Variants in FAM81A observed in about 807,000 individuals in gnomAD.
The protein encoded by FAM81A is protein FAM81A.
In FAM81A, 19 loss-of-function variants were observed where a neutral mutation model predicts 46.7. That is an observed-to-expected ratio of 0.41 (90% CI 0.28 to 0.60). The LOEUF is 0.60. Ranked by LOEUF, FAM81A falls within the 20% of genes least tolerant of loss-of-function variation. The pLI is 0.34. For synonymous variants in FAM81A, 183 were observed against 152.9 expected (o/e 1.20, Z -1.45); for missense variants, 377 against 453.5 (o/e 0.83, Z 1.53).
At chr15:59,486,646 C>T (rs1343201739) in intron 3 of FAM81A, among the ~76,000 whole-genome samples, 1 of 151,982 alleles carries the variant, frequency 6.6e-6, no homozygotes, top group East Asian at 1.9e-4. Context: ...AAGAAGGGAT[C>T]CTAAAGGCAA....
intron 1 of FAM81A, chr15:59,401,673 G>A (rs1360714979): frequency 9.9e-6 from 8 of 805,240 alleles, no homozygotes; most frequent in South Asian, 5.4e-5. Context: ...TTCTCTTTTC[G>A]TTTCTGTTTG....
At chr15:59,491,201 T>C (rs1338739190) in intron 3 of FAM81A, among the ~76,000 whole-genome samples, 1 of 152,216 alleles carries the variant, frequency 6.6e-6, no homozygotes, top group Non-Finnish European at 1.5e-5. Flanking sequence ...AGAAGTGTGG[T>C]ACAGATACAC....
chr15:59,459,033 G>A (rs1033143503), intron 2 of FAM81A, among the ~76,000 whole-genome samples: 8 of 152,212 alleles, frequency 5.3e-5, no homozygotes, highest in Admixed American at 3.3e-4. Flanking sequence ...GTCTCACTCT[G>A]TTCCCCAGGC....
chr15:59,478,270 C>T (rs965861746), intron 3 of FAM81A, among the ~76,000 whole-genome samples: 2 of 152,158 alleles, frequency 1.3e-5, no homozygotes, highest in African/African-American at 4.8e-5. Flanking sequence ...GTCCTTCTGG[C>T]TTGGAATGTT....
intron 2 of FAM81A, among the ~76,000 whole-genome samples, chr15:59,433,135 C>T (rs1474563827): frequency 3.6e-5 from 2 of 55,648 alleles, no homozygotes; most frequent in African/African-American, 7.7e-5. Flanking sequence ...AGCGAGACTC[C>T]GTCTCAAAAA....
At chr15:59,492,414 C>G (rs377465518) in intron 4 of FAM81A, 25 bp downstream of exon 4, 1 of 1,583,338 alleles carries the variant, frequency 6.3e-7, no homozygotes, top group African/African-American at 1.3e-5. Flanking sequence ...GTTGGGGTCT[C>G]TGCTCATCAA....
At position 59,422,891 on chromosome 15, in the gene FAM81A, GTTAAT is replaced by G. The variant is rs2081180174; in HGVS notation, c.-78+20538_-78+20542del. ...TTTCTGTCATTTATTGAATTCACAA[GTTAAT>G]TTAAGTTTTAAATGGTAAATTTCTT... On this transcript the variant is annotated intron_variant, in intron 2 of 4. Coordinates refer to the FAM81A transcript ENST00000558348. 3.9e-5 allele frequency among the ~76,000 whole-genome samples: 6 copies of G among 152,264 alleles called. No homozygotes were observed. In the South Asian group the frequency reaches 1.2e-3, roughly 32 times the overall value.
chr15:59,461,788 G>A (rs1260749554), intron 3 of FAM81A, among the ~76,000 whole-genome samples: 2 of 152,172 alleles, frequency 1.3e-5, no homozygotes, highest in South Asian at 2.1e-4. Flanking sequence ...TAGCTTTTAT[G>A]AGTAAAGCTG....
intron 2 of FAM81A, among the ~76,000 whole-genome samples, chr15:59,402,745 G>A (rs1240865505): frequency 2.6e-5 from 4 of 151,338 alleles, no homozygotes; most frequent in Non-Finnish European, 4.4e-5. Context: ...GTAGAGATGG[G>A]GTTTCACCAT....
At chr15:59,502,224 C>T (rs2082099388) in intron 4 of FAM81A, among the ~76,000 whole-genome samples, 1 of 149,000 alleles carries the variant, frequency 6.7e-6, no homozygotes, top group Non-Finnish European at 1.5e-5. Flanking sequence ...GGTACATGTG[C>T]ACAATGTGCA....
At chr15:59,512,866 G>A (rs2082227417) in intron 6 of FAM81A, among the ~76,000 whole-genome samples, 1 of 152,256 alleles carries the variant, frequency 6.6e-6, no homozygotes, top group Non-Finnish European at 1.5e-5. Flanking sequence ...GGACTGGAAA[G>A]GCGTGCTTAT....
At chr15:59,430,218 C>T (rs1319119389) in intron 2 of FAM81A, among the ~76,000 whole-genome samples, 1 of 150,432 alleles carries the variant, frequency 6.6e-6, no homozygotes, top group Non-Finnish European at 1.5e-5. Flanking sequence ...GTCACTTCCA[C>T]CCTTCCTGTG....
intron 3 of FAM81A, among the ~76,000 whole-genome samples, chr15:59,473,421 A>C (rs925357064): frequency 2.0e-5 from 3 of 152,156 alleles, no homozygotes; most frequent in Non-Finnish European, 4.4e-5. Context: ...AAAACATAGT[A>C]TATGTAGGGT....
chr15:59,426,584 C>T (rs950260791), intron 2 of FAM81A, among the ~76,000 whole-genome samples: 3 of 152,238 alleles, frequency 2.0e-5, no homozygotes, highest in African/African-American at 7.2e-5. Context: ...TGTACTCCAG[C>T]GTGGGCAACA....
intron 2 of FAM81A, among the ~76,000 whole-genome samples, chr15:59,415,205 G>A (rs1243541164): frequency 6.7e-6 from 1 of 150,250 alleles, no homozygotes; most frequent in East Asian, 2.0e-4. Flanking sequence ...TGCAACCTCC[G>A]CCTCCTGGGT....
intron 3 of FAM81A, among the ~76,000 whole-genome samples, chr15:59,471,891 AG>A (rs2081696810): frequency 6.6e-6 from 1 of 152,182 alleles, no homozygotes; most frequent in African/African-American, 2.4e-5. Flanking sequence ...ATTTGTCTTC[AG>A]GGTTCTAAGA....
upstream of FAM81A, among the ~76,000 whole-genome samples, chr15:59,434,044 CGGGTTTCGCCATGTTGGCCA>C: frequency 6.6e-6 from 1 of 152,222 alleles, no homozygotes; most frequent in South Asian, 2.1e-4. Context: ...TTAGTAGAGA[CGGGTTTCGCCATGTTGGCCA>C]GGCTGGTCTT....
chr15:59,508,771 G>T, intron 5 of FAM81A, 92 bp from the exon 6 acceptor site: 1 of 779,258 alleles, frequency 1.3e-6, no homozygotes, highest in Non-Finnish European at 2.1e-6. Flanking sequence ...GAATCTTAAT[G>T]CCATTGACTA....
chr15:59,507,490 C>T (rs1409200005), intron 5 of FAM81A, 148 bp downstream of exon 5: 9 of 1,201,180 alleles, frequency 7.5e-6, no homozygotes, highest in East Asian at 2.7e-5. Flanking sequence ...TTTGATTCTT[C>T]CTTTCCTATT....
Sources: allele counts gnomAD v4.1 joint callset (sites outside exome capture counted in the v4.1 genomes callset), GRCh38; gene constraint gnomAD v4.1.1; transcripts MANE v1.5; gene names NCBI Gene and HGNC (gene_info 2026-07-23, HGNC 2026-07-21).